Variants in NSD3 observed in about 807,000 individuals in gnomAD.
NSD3 encodes nuclear receptor binding SET domain protein 3.
NSD3 carries 24 observed loss-of-function variants against 160.8 expected under a neutral mutation model. The ratio of observed to expected loss-of-function variants is 0.15; its 90% confidence interval spans 0.11 to 0.21. NSD3 has a LOEUF of 0.21. Among genes scored for constraint, NSD3 ranks in the 10% least tolerant of loss-of-function variants. The pLI, the probability that NSD3 is intolerant of heterozygous loss-of-function variation, is 1.00. For missense variants in NSD3, 1,157 were observed against 1,735.9 expected (o/e 0.67, Z 5.93); for synonymous variants, 520 against 600.0 (o/e 0.87, Z 1.95).
intron 1 of NSD3, among the ~76,000 whole-genome samples, chr8:38,352,590 G>C (rs909411790): frequency 6.6e-6 from 1 of 152,112 alleles, no homozygotes; most frequent in African/African-American, 2.4e-5. Context: ...TGAAGTCCAT[G>C]TTGTTTTTGT....
chr8:38,336,702 T>TG (rs1421730385), intron 4 of NSD3, among the ~76,000 whole-genome samples: 1 of 152,162 alleles, frequency 6.6e-6, no homozygotes, highest in Non-Finnish European at 1.5e-5. Flanking sequence ...TGAGGTCATA[T>TG]TTTCAGTCAG....
Position 38,275,796 on chromosome 8 carries a change from T to C in NSD3, c.4159A>G (p.Lys1387Glu). ...ACCAGGGCCCCCTTTTCATGATCTTTACAAAATGAATGTGGACAGAATTCA... is the reference window on the plus strand; with the variant it reads ...ACCAGGGCCCCCTTTTCATGATCTTCACAAAATGAATGTGGACAGAATTCA... ...FCEFCPHSFC[K>E]DHEKGALVPS... The change falls in exon 24 of 24, where the codon AAA becomes GAA. Residue 1387 changes from lysine (K) to glutamate (E), a missense_variant. Coordinates refer to ENST00000317025, the MANE Select transcript of NSD3 (RefSeq NM_023034.2). 1 of 1,614,194 alleles carries C rather than the reference T, an allele frequency of 6.2e-7. No individual in the cohort carries two copies. Among genetic ancestry groups the C allele is most frequent in the Non-Finnish European group, 8.5e-7 (1 of 1,180,038 alleles).
chr8:38,276,169 C>T, intron 23 of NSD3, 127 bp downstream of exon 23: 1 of 1,107,438 alleles, frequency 9.0e-7, no homozygotes, highest in African/African-American at 1.6e-5. Flanking sequence ...AGATTTTTGC[C>T]AGCGTAATTT....
intron 1 of NSD3, among the ~76,000 whole-genome samples, chr8:38,373,109 A>G (rs1811297356): frequency 1.3e-5 from 2 of 152,064 alleles, no homozygotes; most frequent in African/African-American, 4.8e-5. Flanking sequence ...ACATCAATAC[A>G]TTTTTGTCCC....
At chr8:38,378,789 C>CTGG (rs1168340744) in intron 1 of NSD3, among the ~76,000 whole-genome samples, 1 of 150,238 alleles carries the variant, frequency 6.7e-6, no homozygotes, top group African/African-American at 2.5e-5. Context: ...CACCATTGCA[C>CTGG]TCCAGCCTAG....
At chr8:38,347,384 A>T in intron 2 of NSD3, 113 bp downstream of exon 2, 1 of 1,165,154 alleles carries the variant, frequency 8.6e-7, no homozygotes, top group Non-Finnish European at 1.2e-6. Flanking sequence ...GCTAGTGATT[A>T]AAGAAGTTAT....
chr8:38,273,362 A>C lies in NSD3; in HGVS notation c.*2279T>G, dbSNP rs1808531445. 1 of 152,082 alleles carries C rather than the reference A, an allele frequency of 6.6e-6. No homozygotes were observed. Among genetic ancestry groups the C allele is most frequent in the Non-Finnish European group, 1.5e-5 (1 of 68,010 alleles). The allele number at this position is 152,082 out of a possible 1,614,324, so 9.4% of individuals were successfully genotyped here. The stretch of plus-strand genomic sequence containing the variant: ...ATCCTATTAATCATAATTTTTTTTT[A>C]ATTTCAGCAGAGCTCTGTTACAGAT... On this transcript the variant is annotated 3_prime_UTR_variant, in exon 24 of 24. Coordinates refer to ENST00000317025, the MANE Select transcript of NSD3 (RefSeq NM_023034.2).
At chr8:38,307,088 C>A (rs1304496940) in intron 12 of NSD3, among the ~76,000 whole-genome samples, 1 of 145,838 alleles carries the variant, frequency 6.9e-6, no homozygotes, top group Non-Finnish European at 1.5e-5. Flanking sequence ...GCACTCCAGC[C>A]TGGGTGACAG....
In NSD3 at chr8:38,318,624, C is replaced by G. The variant is rs1029455679; in HGVS notation, c.1855+271G>C. On this transcript the variant is annotated intron_variant, in intron 9 of 23. Transcript: ENST00000317025. The surrounding 1 kb of genome is among the most constrained non-coding windows in gnomAD (Gnocchi z 5.3). ...CCCTAGTTTATAAGCCAGTGAAACC[C>G]CAGAATCTTATGGAGAAAAGTTGGA... 6.6e-6 allele frequency among the ~76,000 whole-genome samples: 1 copy of G among 152,100 alleles called. No homozygotes were observed. The highest frequency in any genetic ancestry group is 1.5e-5 in the Non-Finnish European group (1 of 68,024).
chr8:38,331,894 A>G (rs1810070352), intron 4 of NSD3, among the ~76,000 whole-genome samples: 1 of 152,248 alleles, frequency 6.6e-6, no homozygotes, highest in Admixed American at 6.5e-5. Flanking sequence ...CAAAATAGTC[A>G]TTTTTCATAA....
chr8:38,346,679 T>C (rs1267699318), intron 2 of NSD3, among the ~76,000 whole-genome samples: 1 of 151,960 alleles, frequency 6.6e-6, no homozygotes, highest in African/African-American at 2.4e-5. Context: ...CAGAAAAACA[T>C]CACATGTGAG....
intron 12 of NSD3, among the ~76,000 whole-genome samples, chr8:38,307,442 C>A (rs1239480041): frequency 6.6e-6 from 1 of 152,168 alleles, no homozygotes; most frequent in East Asian, 1.9e-4. Context: ...CATTCACTTT[C>A]TGCCTAGAAA....
intron 2 of NSD3, among the ~76,000 whole-genome samples, chr8:38,343,088 T>TG (rs1283101221): frequency 1.3e-5 from 2 of 151,032 alleles, no homozygotes; most frequent in Non-Finnish European, 3.0e-5. Flanking sequence ...TCCAGCTACC[T>TG]GGGGGGCTGA....
chr8:38,381,087 C>T (rs1811537301), intron 1 of NSD3, among the ~76,000 whole-genome samples: 3 of 152,136 alleles, frequency 2.0e-5, no homozygotes, highest in Admixed American at 2.0e-4. Context: ...AATACAGGAA[C>T]AAAAGGCCTC....
chr8:38,318,794 A>C lies in NSD3; in HGVS notation c.1855+101T>G. 1.7e-6 allele frequency: 2 copies of C among 1,158,934 alleles called. No individual in the cohort carries two copies. The highest frequency in any genetic ancestry group is 2.6e-5 in the South Asian group (2 of 77,690). The allele number at this position is 1,158,934 out of a possible 1,614,324, so 71.8% of individuals were successfully genotyped here. ...CTGCAATTTCACACTGAAGAGCAAC[A>C]ACGATTTACAGAGACAGACAAAAAT... is the stretch of plus-strand genomic sequence containing the variant. On this transcript the variant is annotated intron_variant, in intron 9 of 23. Transcript: ENST00000317025. This position sits in a 1 kb window ranked among gnomAD's most constrained non-coding sequence, Gnocchi z 5.3.
At chr8:38,291,444 T>C (rs967812131) in intron 16 of NSD3, among the ~76,000 whole-genome samples, 1 of 152,208 alleles carries the variant, frequency 6.6e-6, no homozygotes, top group Non-Finnish European at 1.5e-5. Context: ...ACTTAAATTT[T>C]TTGAATCTCT....
At chr8:38,297,491 A>G (rs1585865346) in intron 15 of NSD3, among the ~76,000 whole-genome samples, 1 of 152,334 alleles carries the variant, frequency 6.6e-6, no homozygotes, top group African/African-American at 2.4e-5. Context: ...AAAGGGTAAG[A>G]GCCCTCTATG....
chr8:38,322,121 T>C (rs545385681), intron 7 of NSD3, among the ~76,000 whole-genome samples: 3 of 152,334 alleles, frequency 2.0e-5, no homozygotes. Flanking sequence ...TAAAATCAGA[T>C]AGAAGCTCTA....
chr8:38,306,890 G>A (rs1019613324), intron 12 of NSD3, among the ~76,000 whole-genome samples: 2 of 152,152 alleles, frequency 1.3e-5, no homozygotes, highest in East Asian at 3.9e-4. Flanking sequence ...CAAGGCGGGT[G>A]GATCACAAGG....
Sources: gnomAD v4.1 joint callset for allele counts (sites outside exome capture counted in the v4.1 genomes callset) on GRCh38, gnomAD v4.1.1 for gene constraint, Gnocchi (gnomAD v3.1) non-coding constraint, MANE v1.5 for transcripts, NCBI Gene and HGNC (gene_info 2026-07-23, HGNC 2026-07-21) for gene names.